Variants in LINGO2 observed in about 807,000 individuals in gnomAD.
LINGO2 encodes the protein leucine rich repeat and Ig domain containing 2, also known as leucine-rich repeat and immunoglobulin-like domain-containing nogo receptor-interacting protein 2.
LINGO2 carries 14 observed loss-of-function variants against 30.6 expected under a neutral mutation model. The observed-to-expected ratio is 0.46, with a 90% CI of 0.30 to 0.72. The LOEUF is 0.72. Ranked by LOEUF, LINGO2 falls within the 30% of genes least tolerant of loss-of-function variation. The pLI is 0.07. For missense variants in LINGO2, 729 were observed against 751.7 expected (o/e 0.97, Z 0.35); for synonymous variants, 317 against 288.5 (o/e 1.10, Z -1.00).
At chr9:28,109,546 G>T (rs1826707435) in intron 4 of LINGO2, among the ~76,000 whole-genome samples, 1 of 152,110 alleles carries the variant, frequency 6.6e-6, no homozygotes, top group Non-Finnish European at 1.5e-5. Context: ...CTTCAGCAAA[G>T]TCTCAGGATA....
At chr9:28,271,071 T>C (rs1822921155) in intron 4 of LINGO2, among the ~76,000 whole-genome samples, 1 of 152,082 alleles carries the variant, frequency 6.6e-6, no homozygotes, top group Non-Finnish European at 1.5e-5. Context: ...AACCCATACA[T>C]TCCTGTGATG....
intron 4 of LINGO2, among the ~76,000 whole-genome samples, chr9:28,182,127 T>C (rs1819366671): frequency 6.6e-6 from 1 of 151,998 alleles, no homozygotes; most frequent in African/African-American, 2.4e-5. Flanking sequence ...TATAGACCAA[T>C]GGAACAGAAT....
the LINGO2 span, among the ~76,000 whole-genome samples, chr9:28,793,742 T>G: frequency 2.0e-5 from 3 of 152,168 alleles, no homozygotes; most frequent in Non-Finnish European, 4.4e-5. Context: ...CTATTCAAAG[T>G]GTAGTTCTGG....
At position 28,069,749 on chromosome 9, in the gene LINGO2, A is replaced by G. The variant is rs190816904; in HGVS notation, c.-86-57344T>C. On this transcript the variant is annotated intron_variant, in intron 4 of 5. Transcript: ENST00000379992. ...GCCCAGCGAGCCTGATGTTGAGTTC[A>G]TGGAGAAGGCCAGAGACATCCAACT... 2.8e-3 allele frequency among the ~76,000 whole-genome samples: 419 copies of G among 152,290 alleles called. 2 individuals carry two copies. The highest frequency in any genetic ancestry group is 4.5e-3 in the Non-Finnish European group (308 of 68,022).
At chr9:28,794,412 G>C in the LINGO2 span, among the ~76,000 whole-genome samples, 4 of 152,220 alleles carry the variant, frequency 2.6e-5, no homozygotes, top group African/African-American at 4.8e-5. Flanking sequence ...CATTGAGTTA[G>C]TTCTGGGAGG....
chr9:27,994,356 G>C (rs1821549701), intron 5 of LINGO2, among the ~76,000 whole-genome samples: 1 of 152,046 alleles, frequency 6.6e-6, no homozygotes, highest in Non-Finnish European at 1.5e-5. Flanking sequence ...TTTAAAAAAA[G>C]TTAAACAAAT....
At chr9:28,132,574 A>G (rs1416010244) in intron 4 of LINGO2, among the ~76,000 whole-genome samples, 2 of 152,228 alleles carry the variant, frequency 1.3e-5, no homozygotes, top group African/African-American at 4.8e-5. Context: ...TAGTTTGAAC[A>G]GGTAAAAATT....
At chr9:28,838,668 C>A in the LINGO2 span, among the ~76,000 whole-genome samples, 1 of 152,204 alleles carries the variant, frequency 6.6e-6, no homozygotes, top group African/African-American at 2.4e-5. Context: ...TATTACAGGA[C>A]ATATTCTCAC....
chr9:29,162,477 G>A, the LINGO2 span, among the ~76,000 whole-genome samples: 1 of 152,066 alleles, frequency 6.6e-6, no homozygotes, highest in African/African-American at 2.4e-5. Flanking sequence ...AACTTTACAG[G>A]TAACACTTGC....
At chr9:29,154,291 C>CAAA in the LINGO2 span, among the ~76,000 whole-genome samples, 2 of 149,930 alleles carry the variant, frequency 1.3e-5, no homozygotes, top group East Asian at 2.0e-4. Flanking sequence ...ACTAAAAATA[C>CAAA]AAAAAAAAAT....
chr9:28,501,783 T>A (rs1260642694), intron 1 of LINGO2, among the ~76,000 whole-genome samples: 1 of 152,128 alleles, frequency 6.6e-6, no homozygotes. Context: ...TGCTTTGCAA[T>A]CCAGATTTAT....
chr9:28,475,532 T>C (rs1825696159), intron 2 of LINGO2, among the ~76,000 whole-genome samples: 1 of 152,222 alleles, frequency 6.6e-6, no homozygotes, highest in Non-Finnish European at 1.5e-5. Context: ...ATTTAGTGGT[T>C]ATTACTTGGT....
At chr9:28,407,811 C>T (rs948922441) in intron 2 of LINGO2, among the ~76,000 whole-genome samples, 3 of 152,142 alleles carry the variant, frequency 2.0e-5, no homozygotes, top group Non-Finnish European at 4.4e-5. Context: ...GTCTGTATCT[C>T]AGTCTTATCC....
chr9:29,046,244 T>C, the LINGO2 span, among the ~76,000 whole-genome samples: 2 of 152,152 alleles, frequency 1.3e-5, no homozygotes, highest in African/African-American at 4.8e-5. Context: ...CCTTTGCCCA[T>C]TCAGTATAAT....
intron 1 of LINGO2, among the ~76,000 whole-genome samples, chr9:28,486,690 C>T (rs1826178209): frequency 6.9e-6 from 1 of 144,196 alleles, no homozygotes; most frequent in Non-Finnish European, 1.5e-5. Flanking sequence ...TATGAGGCCT[C>T]CAAACAAATG....
chr9:28,158,280 G>A (rs893804107), intron 4 of LINGO2, among the ~76,000 whole-genome samples: 2 of 152,084 alleles, frequency 1.3e-5, no homozygotes, highest in Non-Finnish European at 2.9e-5. Flanking sequence ...AGAACAGCAC[G>A]GGAAAGGCTT....
At chr9:29,198,228 TA>T in the LINGO2 span, among the ~76,000 whole-genome samples, 3 of 152,150 alleles carry the variant, frequency 2.0e-5, no homozygotes, top group Non-Finnish European at 4.4e-5. Flanking sequence ...CAAAATGCAA[TA>T]ACCAAATAGT....
chr9:28,916,616 C>T, the LINGO2 span, among the ~76,000 whole-genome samples: 1 of 152,152 alleles, frequency 6.6e-6, no homozygotes, highest in Admixed American at 6.5e-5. Flanking sequence ...AGTTGTCTTG[C>T]CTTTTAGGGC....
the LINGO2 span, among the ~76,000 whole-genome samples, chr9:28,707,765 G>A: frequency 6.6e-6 from 1 of 151,998 alleles, no homozygotes; most frequent in Non-Finnish European, 1.5e-5. Context: ...TTGTCGGGGT[G>A]GTGAAGGGTG....
Sources: allele counts gnomAD v4.1 joint callset (sites outside exome capture counted in the v4.1 genomes callset), GRCh38; gene constraint gnomAD v4.1.1; transcripts MANE v1.5; gene names NCBI Gene and HGNC (gene_info 2026-07-23, HGNC 2026-07-21).